The following CNTNAP5 variants were observed in gnomAD, a reference collection of about 807,000 sequenced individuals.
CNTNAP5 encodes contactin associated protein family member 5.
CNTNAP5 carries 72 observed loss-of-function variants against 150.2 expected under a neutral mutation model. The observed-to-expected ratio is 0.48, with a 90% CI of 0.40 to 0.58. CNTNAP5 has a LOEUF of 0.58. Ranked by LOEUF, CNTNAP5 falls within the 20% of genes least tolerant of loss-of-function variation. The probability of loss-of-function intolerance (pLI) is 0.00; values close to 1 mark genes in which losing one functional copy is unlikely to be tolerated. For synonymous variants in CNTNAP5, 672 were observed against 619.8 expected (o/e 1.08, Z -1.25); for missense variants, 1,636 against 1,626.2 (o/e 1.01, Z -0.10).
In CNTNAP5 at chr2:124,446,774, G is replaced by A. The variant is rs377139800; in HGVS notation, c.755G>A (p.Ser252Asn). The change falls in exon 6 of 24, where the codon AGC becomes AAC. Residue 252 changes from serine (S) to asparagine (N), a missense_variant. Transcript: ENST00000682447. ...LNLGDSKARL[S>N]SSLPSATLGS... is the part of the protein sequence containing the mutation. ...ACAGGTGACAGCAAAGCGCGGCTCA[G>A]CAGCAGCTTGCCCTCTGCCACCCTG... is the stretch of plus-strand genomic sequence containing the variant. 4 of 1,613,614 alleles carry A rather than the reference G, an allele frequency of 2.5e-6. No individual in the cohort carries two copies. In the African/African-American group the frequency reaches 5.3e-5, roughly 22 times the overall value.
At chr2:124,539,933 A>G (rs1202886393) in intron 10 of CNTNAP5, among the ~76,000 whole-genome samples, 2 of 152,186 alleles carry the variant, frequency 1.3e-5, no homozygotes, top group African/African-American at 4.8e-5. Context: ...GACATGATTT[A>G]CTAAGCCCAC....
At chr2:124,324,347 G>A (rs1266399658) in intron 3 of CNTNAP5, among the ~76,000 whole-genome samples, 1 of 152,174 alleles carries the variant, frequency 6.6e-6, no homozygotes, top group Non-Finnish European at 1.5e-5. Context: ...GACATTGACT[G>A]TTGGGCACAG....
intron 19 of CNTNAP5, 26 bp from the exon 20 acceptor site, chr2:124,865,280 C>T: frequency 6.5e-7 from 1 of 1,539,802 alleles, no homozygotes; most frequent in Non-Finnish European, 8.8e-7. Flanking sequence ...GCTTTATATT[C>T]TAATTTCTAA....
chr2:124,144,031 T>A (rs561599132), intron 1 of CNTNAP5, among the ~76,000 whole-genome samples: 1 of 151,328 alleles, frequency 6.6e-6, no homozygotes, highest in South Asian at 2.1e-4. Context: ...ATGAGTGAAC[T>A]CCCATTCACA....
chr2:124,676,918 T>C (rs1447639093), intron 13 of CNTNAP5, among the ~76,000 whole-genome samples: 1 of 151,944 alleles, frequency 6.6e-6, no homozygotes, highest in Non-Finnish European at 1.5e-5. Context: ...TGTAGATTTT[T>C]GGAGGCCCTT....
chr2:124,076,612 G>A (rs1682444065), intron 1 of CNTNAP5, among the ~76,000 whole-genome samples: 1 of 152,068 alleles, frequency 6.6e-6, no homozygotes, highest in Non-Finnish European at 1.5e-5. Context: ...AGCAAAGGAG[G>A]ACTATATGAC....
At chr2:124,130,287 A>G (rs933058271) in intron 1 of CNTNAP5, among the ~76,000 whole-genome samples, 4 of 151,896 alleles carry the variant, frequency 2.6e-5, no homozygotes, top group Non-Finnish European at 5.9e-5. Context: ...ATGAGAAGGA[A>G]TCACAGACTC....
intron 1 of CNTNAP5, among the ~76,000 whole-genome samples, chr2:124,164,481 C>G (rs79068001): frequency 6.6e-6 from 1 of 152,176 alleles, no homozygotes; most frequent in Non-Finnish European, 1.5e-5. Flanking sequence ...TGTATATATA[C>G]TTTTCTTTCC....
At chr2:124,722,747 G>A (rs779571595) in intron 13 of CNTNAP5, among the ~76,000 whole-genome samples, 4 of 152,166 alleles carry the variant, frequency 2.6e-5, no homozygotes, top group Admixed American at 6.5e-5. Context: ...CTGAGCCTGT[G>A]TCCTCCAGGA....
intron 3 of CNTNAP5, among the ~76,000 whole-genome samples, chr2:124,400,659 T>C (rs973907796): frequency 4.9e-5 from 7 of 141,972 alleles, no homozygotes; most frequent in Non-Finnish European, 7.5e-5. Context: ...TTTGAAAGGA[T>C]AAAGGCATTG....
intron 1 of CNTNAP5, among the ~76,000 whole-genome samples, chr2:124,221,391 AG>A (rs1308073747): frequency 6.6e-6 from 1 of 152,128 alleles, no homozygotes; most frequent in Non-Finnish European, 1.5e-5. Context: ...GAAGAAATGT[AG>A]CTAGTTGGGT....
At chr2:124,404,076 G>T (rs938936265) in intron 3 of CNTNAP5, among the ~76,000 whole-genome samples, 1 of 152,122 alleles carries the variant, frequency 6.6e-6, no homozygotes, top group African/African-American at 2.4e-5. Flanking sequence ...CAGCCAAACC[G>T]TATCCGCAGG....
intron 8 of CNTNAP5, among the ~76,000 whole-genome samples, chr2:124,516,960 C>T (rs1256701666): frequency 6.6e-6 from 1 of 152,140 alleles, no homozygotes; most frequent in Non-Finnish European, 1.5e-5. Context: ...GGTTCTGAGC[C>T]AAGGGAAGAT....
chr2:124,583,211 G>C (rs1696453354), intron 11 of CNTNAP5, among the ~76,000 whole-genome samples: 1 of 152,160 alleles, frequency 6.6e-6, no homozygotes, highest in Non-Finnish European at 1.5e-5. Flanking sequence ...CATCTCTAGG[G>C]AGACATGACC....
chr2:124,569,343 C>T (rs1243459440), intron 11 of CNTNAP5, among the ~76,000 whole-genome samples: 1 of 151,954 alleles, frequency 6.6e-6, no homozygotes. Context: ...ATTATTGACC[C>T]TCATTGTGAA....
At chr2:124,377,256 G>T (rs573934980) in intron 3 of CNTNAP5, among the ~76,000 whole-genome samples, 1 of 152,142 alleles carries the variant, frequency 6.6e-6, no homozygotes, top group African/African-American at 2.4e-5. Flanking sequence ...TTAATAGAAG[G>T]ATTTATTCTT....
chr2:124,165,141 T>G (rs997933675), intron 1 of CNTNAP5, among the ~76,000 whole-genome samples: 3 of 152,292 alleles, frequency 2.0e-5, no homozygotes, highest in Non-Finnish European at 4.4e-5. Context: ...TATCAGGTGA[T>G]GATATAAACA....
At chr2:124,045,067 A>G (rs545364056) in intron 1 of CNTNAP5, among the ~76,000 whole-genome samples, 5 of 152,228 alleles carry the variant, frequency 3.3e-5, no homozygotes, top group Admixed American at 2.6e-4. Context: ...TTCAAATAAA[A>G]CATGAGATTT....
chr2:124,471,770 T>C (rs992311130), intron 6 of CNTNAP5, among the ~76,000 whole-genome samples: 17 of 152,100 alleles, frequency 1.1e-4, no homozygotes, highest in African/African-American at 3.9e-4. Context: ...GTTTTTAACA[T>C]GAAGGGATGT....
Sources: gnomAD v4.1 joint callset for allele counts (sites outside exome capture counted in the v4.1 genomes callset) on GRCh38, gnomAD v4.1.1 for gene constraint, MANE v1.5 for transcripts, NCBI Gene and HGNC (gene_info 2026-07-23, HGNC 2026-07-21) for gene names.